The following CCDC171 variants were observed in gnomAD, a reference collection of about 807,000 sequenced individuals.
CCDC171 encodes the protein coiled-coil domain containing 171.
In CCDC171, 177 loss-of-function variants were observed where a neutral mutation model predicts 168.2. The observed-to-expected ratio is 1.05, with a 90% CI of 0.93 to 1.19. The LOEUF is 1.19. Ranked by LOEUF, CCDC171 falls within the 50% of genes most tolerant of loss-of-function variation. CCDC171 has a pLI of 0.00. For synonymous variants in CCDC171, 687 were observed against 540.8 expected (o/e 1.27, Z -3.75); for missense variants, 1,991 against 1,539.0 (o/e 1.29, Z -4.91).
At chr9:15,648,160 G>C (rs200236848) in intron 7 of CCDC171, among the ~76,000 whole-genome samples, 2 of 152,076 alleles carry the variant, frequency 1.3e-5, no homozygotes, top group African/African-American at 2.4e-5. Context: ...ATGATTATCT[G>C]AATAGATGCA....
chr9:15,735,450 C>T (rs142555976), intron 16 of CCDC171, among the ~76,000 whole-genome samples: 1 of 151,818 alleles, frequency 6.6e-6, no homozygotes, highest in Non-Finnish European at 1.5e-5. Flanking sequence ...TTTTTACTGT[C>T]AGTTAATTAA....
chr9:16,086,455 G>A, the CCDC171 span, among the ~76,000 whole-genome samples: 1 of 151,662 alleles, frequency 6.6e-6, no homozygotes, highest in Non-Finnish European at 1.5e-5. Flanking sequence ...TTACAGGTGT[G>A]CACCACCACA....
intron 6 of CCDC171, among the ~76,000 whole-genome samples, chr9:16,025,481 A>G (rs918479347): frequency 7.2e-5 from 11 of 152,116 alleles, no homozygotes; most frequent in African/African-American, 2.7e-4. Flanking sequence ...ACAAACAAAA[A>G]AACTTGGACA....
intron 18 of CCDC171, among the ~76,000 whole-genome samples, chr9:15,759,284 T>G (rs73416267): frequency 0.047 from 7,088 of 152,280 alleles, 354 homozygotes; most frequent in South Asian, 0.13. Context: ...CTGAACAGTT[T>G]GAGAGCAGGT....
At chr9:16,052,026 C>T (rs1195010592) in intron 1 of CCDC171, among the ~76,000 whole-genome samples, 1 of 152,142 alleles carries the variant, frequency 6.6e-6, no homozygotes, top group African/African-American at 2.4e-5. Context: ...GAAAAACCTG[C>T]CCCCATGATT....
At chr9:16,081,817 A>G in the CCDC171 span, among the ~76,000 whole-genome samples, 6 of 152,196 alleles carry the variant, frequency 3.9e-5, no homozygotes, top group South Asian at 8.3e-4. Flanking sequence ...CTGTATTTGT[A>G]TAATGCAGTT....
chr9:15,764,484 AT>A (rs898290997), intron 18 of CCDC171, among the ~76,000 whole-genome samples: 5 of 152,144 alleles, frequency 3.3e-5, no homozygotes, highest in African/African-American at 1.2e-4. Context: ...TGTATGTTGA[AT>A]GTGAGGTGTG....
At chr9:16,006,534 A>G (rs1832700822) in intron 3 of CCDC171, among the ~76,000 whole-genome samples, 1 of 151,638 alleles carries the variant, frequency 6.6e-6, no homozygotes. Flanking sequence ...GCACCCATTA[A>G]CTCATCATTT....
intron 3 of CCDC171, among the ~76,000 whole-genome samples, chr9:16,015,130 T>C (rs1832976480): frequency 6.6e-6 from 1 of 152,152 alleles, no homozygotes; most frequent in Non-Finnish European, 1.5e-5. Context: ...AAAAAATCTG[T>C]TGTGTAGTAT....
intron 21 of CCDC171, among the ~76,000 whole-genome samples, chr9:15,830,695 A>G (rs2060193625): frequency 1.3e-5 from 2 of 152,232 alleles, no homozygotes; most frequent in South Asian, 4.1e-4. Context: ...GAGAGTAGAA[A>G]GTAAAGTGAT....
At chr9:15,569,632 G>A (rs1321335295) in intron 2 of CCDC171, among the ~76,000 whole-genome samples, 2 of 151,748 alleles carry the variant, frequency 1.3e-5, no homozygotes, top group African/African-American at 4.8e-5. Flanking sequence ...TGGCTAACAC[G>A]GTGAAACCCC....
chr9:15,980,742 G>GTTT (rs778644493), intron 3 of CCDC171, among the ~76,000 whole-genome samples: 2,252 of 141,702 alleles, frequency 0.016, 76 homozygotes, highest in African/African-American at 0.055. Flanking sequence ...TGCTCATTTG[G>GTTT]TTTTTTTTTT....
At chr9:15,673,366 T>C (rs2049269823) in intron 9 of CCDC171, among the ~76,000 whole-genome samples, 1 of 152,230 alleles carries the variant, frequency 6.6e-6, no homozygotes, top group Non-Finnish European at 1.5e-5. Context: ...GTGATTGCCC[T>C]GGCCAGAAGT....
intron 24 of CCDC171, among the ~76,000 whole-genome samples, chr9:15,910,424 G>A (rs2987056): frequency 0.63 from 95,044 of 152,012 alleles, 31,219 homozygotes; most frequent in East Asian, 0.78. Flanking sequence ...CCATTGATCT[G>A]TATGTCTGTT....
chr9:15,849,427 A>T (rs968998609), intron 23 of CCDC171, among the ~76,000 whole-genome samples: 1 of 151,368 alleles, frequency 6.6e-6, no homozygotes, highest in Admixed American at 6.6e-5. Flanking sequence ...TATATTCTTA[A>T]AGTAGAAATT....
chr9:16,054,977 G>A (rs1025800107), intron 1 of CCDC171, among the ~76,000 whole-genome samples: 2 of 152,342 alleles, frequency 1.3e-5, no homozygotes, highest in Admixed American at 6.5e-5. Context: ...GGCAAGGGTG[G>A]ATGCAGAGAG....
At chr9:15,951,162 C>T (rs1179909493) in intron 25 of CCDC171, among the ~76,000 whole-genome samples, 4 of 150,582 alleles carry the variant, frequency 2.7e-5, no homozygotes, top group African/African-American at 2.4e-5. Context: ...TAGACTCCTA[C>T]ACATTAATAA....
At chr9:16,036,366 C>T (rs980280780) in intron 8 of CCDC171, among the ~76,000 whole-genome samples, 11 of 152,172 alleles carry the variant, frequency 7.2e-5, no homozygotes, top group African/African-American at 1.4e-4. Flanking sequence ...ATTTCTTGGC[C>T]GGGCACGGTG....
At chr9:15,557,822 C>G (rs1044870659) in intron 1 of CCDC171, among the ~76,000 whole-genome samples, 1 of 152,088 alleles carries the variant, frequency 6.6e-6, no homozygotes, top group African/African-American at 2.4e-5. Context: ...TGCCAGTTTT[C>G]AAAGGGAATG....
Sources: allele counts gnomAD v4.1 joint callset (sites outside exome capture counted in the v4.1 genomes callset), GRCh38; gene constraint gnomAD v4.1.1; transcripts MANE v1.5; gene names NCBI Gene and HGNC (gene_info 2026-07-23, HGNC 2026-07-21).